The following BTC variants were observed in gnomAD, a reference collection of about 807,000 sequenced individuals.
BTC encodes betacellulin, also known as probetacellulin.
BTC carries 13 observed loss-of-function variants against 18.1 expected under a neutral mutation model. The ratio of observed to expected loss-of-function variants is 0.72; its 90% CI spans 0.47 to 1.14. BTC has a LOEUF of 1.14. Ranked by LOEUF, BTC falls within the 50% of genes most tolerant of loss-of-function variation. BTC has a pLI of 0.00. For missense variants in BTC, 247 were observed against 224.2 expected (o/e 1.10, Z -0.65); for synonymous variants, 83 against 79.4 (o/e 1.05, Z -0.24).
chr4:74,766,688 G>A (rs7437180), intron 2 of BTC, among the ~76,000 whole-genome samples: 37,053 of 151,928 alleles, frequency 0.24, 5,265 homozygotes, highest in South Asian at 0.32. Flanking sequence ...ATTTAAATAC[G>A]TAATTCCAAT....
At chr4:74,781,127 C>T (rs924596619) in intron 1 of BTC, among the ~76,000 whole-genome samples, 1 of 151,984 alleles carries the variant, frequency 6.6e-6, no homozygotes, top group Non-Finnish European at 1.5e-5. Flanking sequence ...CCATCCAGAC[C>T]ACATGTGTGT....
At chr4:74,754,557 T>A (rs1724547397) in intron 3 of BTC, among the ~76,000 whole-genome samples, 1 of 152,172 alleles carries the variant, frequency 6.6e-6, no homozygotes, top group Non-Finnish European at 1.5e-5. Flanking sequence ...ATAGCAAGAA[T>A]AAGCTTTCTG....
At chr4:74,760,879 T>C (rs1391535593) in intron 2 of BTC, among the ~76,000 whole-genome samples, 2 of 152,040 alleles carry the variant, frequency 1.3e-5, no homozygotes, top group Non-Finnish European at 2.9e-5. Context: ...GGACTACAGG[T>C]GCCCACCACC....
intron 4 of BTC, among the ~76,000 whole-genome samples, chr4:74,749,661 T>C (rs1307781927): frequency 7.3e-6 from 1 of 136,508 alleles, no homozygotes; most frequent in Non-Finnish European, 1.6e-5. Flanking sequence ...GACAAAAAGA[T>C]ACCACTTTAA....
At position 74,750,600 on chromosome 4, in the gene BTC, A is replaced by G; in HGVS notation, c.401T>C (p.Leu134Ser). Reference sequence around the variant, plus strand: ...ACAGCATGTGCAGACACCGATGACCAAAATAATAAAAACTACCATAACTGC... The same window carrying G: ...ACAGCATGTGCAGACACCGATGACCGAAATAATAAAAACTACCATAACTGC... ...LIAVMVVFII[L>S]VIGVCTCCHP... Residue 134 changes from leucine (L) to serine (S), a missense_variant, in exon 4 of 6, where the codon TTG (leucine) becomes TCG (serine). Coordinates refer to ENST00000395743, the MANE Select transcript of BTC (RefSeq NM_001729.4). 1 of 1,613,668 alleles carries G rather than the reference A, an allele frequency of 6.2e-7. No individual in the cohort carries two copies. The highest frequency in any genetic ancestry group is 8.5e-7 in the Non-Finnish European group (1 of 1,179,840).
chr4:74,773,479 A>G (rs903217883), intron 1 of BTC, among the ~76,000 whole-genome samples: 4 of 152,354 alleles, frequency 2.6e-5, no homozygotes, highest in East Asian at 3.9e-4. Context: ...CACTCCATTC[A>G]TAATTCAATG....
chr4:74,771,303 G>T (rs1277970459), intron 1 of BTC, among the ~76,000 whole-genome samples: 2 of 152,230 alleles, frequency 1.3e-5, no homozygotes, highest in East Asian at 3.9e-4. Flanking sequence ...TAATCAATGT[G>T]CAATAAAAAT....
intron 3 of BTC, among the ~76,000 whole-genome samples, chr4:74,753,051 A>G (rs1200793051): frequency 4.6e-5 from 7 of 152,220 alleles, no homozygotes; most frequent in Admixed American, 4.6e-4. Context: ...ATAACATATC[A>G]GCTGGTGTTT....
chr4:74,779,749 T>C (rs1725269405), intron 1 of BTC, among the ~76,000 whole-genome samples: 1 of 152,014 alleles, frequency 6.6e-6, no homozygotes, highest in Non-Finnish European at 1.5e-5. Flanking sequence ...GATTTCAGAG[T>C]AGATGCTCAC....
At chr4:74,769,945 A>G in intron 2 of BTC, 113 bp downstream of exon 2, 1 of 837,256 alleles carries the variant, frequency 1.2e-6, no homozygotes, top group Non-Finnish European at 1.9e-6. Context: ...TAAAGCACTT[A>G]GCACAGTGAC....
intron 5 of BTC, 60 bp downstream of exon 5, chr4:74,747,980 C>A: frequency 1.2e-6 from 1 of 837,440 alleles, no homozygotes; most frequent in Non-Finnish European, 1.8e-6. Flanking sequence ...CAAGTAAGCC[C>A]AATCTAACCA....
Position 74,794,393 on chromosome 4 carries a change from C to A in BTC, c.-68G>T. The A allele has an allele frequency of 7.0e-7, 1 of 1,435,810 alleles. No homozygotes were observed. Among genetic ancestry groups the A allele is most frequent in the African/African-American group, 1.5e-5 (1 of 68,552 alleles). 88.9% of individuals were successfully genotyped at this position (1,435,810 alleles called of 1,614,324 possible). The stretch of plus-strand genomic sequence containing the variant: ...CCTCCTTCTTCGCCCCCTTCCCGGG[C>A]CTCGGGCGCCTGAGAGGGTGCCTGG... On this transcript the variant is annotated 5_prime_UTR_variant, in exon 1 of 6. Coordinates refer to ENST00000395743, the MANE Select transcript of BTC (RefSeq NM_001729.4).
intron 3 of BTC, among the ~76,000 whole-genome samples, chr4:74,750,996 G>A (rs919988423): frequency 1.3e-5 from 2 of 152,006 alleles, no homozygotes; most frequent in Non-Finnish European, 2.9e-5. Flanking sequence ...TAAAATTTTA[G>A]TCTCTGAATT....
chr4:74,751,839 T>A (rs1391605551), intron 3 of BTC, among the ~76,000 whole-genome samples: 5 of 152,330 alleles, frequency 3.3e-5, no homozygotes, highest in African/African-American at 1.2e-4. Flanking sequence ...AGGGAAATAG[T>A]AATCAAAAAT....
At chr4:74,755,246 G>C (rs1228688198) in intron 3 of BTC, among the ~76,000 whole-genome samples, 5 of 152,110 alleles carry the variant, frequency 3.3e-5, no homozygotes, top group Admixed American at 6.5e-5. Context: ...TCTAAGGAAA[G>C]GTCCCAGGAA....
At chr4:74,757,300 C>A (rs1376597062) in intron 2 of BTC, among the ~76,000 whole-genome samples, 16 of 152,208 alleles carry the variant, frequency 1.1e-4, no homozygotes, top group African/African-American at 3.9e-4. Flanking sequence ...CTAAATACTG[C>A]AAATTCCTGT....
At chr4:74,781,057 T>C (rs1012729611) in intron 1 of BTC, among the ~76,000 whole-genome samples, 14 of 152,076 alleles carry the variant, frequency 9.2e-5, no homozygotes, top group Admixed American at 7.2e-4. Flanking sequence ...GAAAACTTGA[T>C]GGTCATGGCC....
At chr4:74,751,349 T>C (rs1724455630) in intron 3 of BTC, among the ~76,000 whole-genome samples, 1 of 152,116 alleles carries the variant, frequency 6.6e-6, no homozygotes, top group Non-Finnish European at 1.5e-5. Context: ...GCCCTTCTAT[T>C]ACTCTTCTGT....
intron 1 of BTC, 70 bp from the exon 2 acceptor site, chr4:74,770,226 ATCACCCATT>A: frequency 8.2e-7 from 1 of 1,226,156 alleles, no homozygotes; most frequent in South Asian, 1.3e-5. Flanking sequence ...TATCAAAGTC[ATCACCCATT>A]TCACCCATTT....
Sources: gnomAD v4.1 joint callset for allele counts (sites outside exome capture counted in the v4.1 genomes callset) on GRCh38, gnomAD v4.1.1 for gene constraint, MANE v1.5 for transcripts, NCBI Gene and HGNC (gene_info 2026-07-23, HGNC 2026-07-21) for gene names.